Variants in GLB1L3 observed in about 807,000 individuals in gnomAD.
The protein encoded by GLB1L3 is galactosidase beta 1 like 3, also known as beta-galactosidase-1-like protein 3.
In GLB1L3, 89 loss-of-function variants were observed where a neutral mutation model predicts 89.5. That is an observed-to-expected ratio of 0.99 (90% CI 0.84 to 1.19). GLB1L3 has a LOEUF of 1.19. Ranked by LOEUF, GLB1L3 falls within the 50% of genes most tolerant of loss-of-function variation. The pLI is 0.00. For missense variants in GLB1L3, 812 were observed against 813.3 expected (o/e 1.00, Z 0.02); for synonymous variants, 314 against 312.3 (o/e 1.01, Z -0.06).
intron 6 of GLB1L3, 80 bp from the exon 7 acceptor site, chr11:134,288,718 C>A: frequency 4.0e-6 from 4 of 991,810 alleles, no homozygotes; most frequent in South Asian, 3.1e-5. Context: ...AGCTGTGCAG[C>A]CTTCGGCAGC....
chr11:134,302,223 T>C (rs1941980985), intron 9 of GLB1L3, among the ~76,000 whole-genome samples: 1 of 152,252 alleles, frequency 6.6e-6, no homozygotes, highest in African/African-American at 2.4e-5. Context: ...CTGTTGCTTC[T>C]GTAGAATACA....
intron 3 of GLB1L3, 30 bp from the exon 4 acceptor site, chr11:134,281,347 C>A (rs1289067984): frequency 6.2e-7 from 1 of 1,612,728 alleles, no homozygotes; most frequent in Admixed American, 1.7e-5. Flanking sequence ...TAAGAAGATA[C>A]TCATCATACT....
chr11:134,278,368 T>G (rs1480790212), intron 3 of GLB1L3, among the ~76,000 whole-genome samples: 1 of 152,150 alleles, frequency 6.6e-6, no homozygotes, highest in Non-Finnish European at 1.5e-5. Context: ...CACGGCAGCT[T>G]CTACTTCTCT....
At chr11:134,294,724 C>T (rs1144221) in intron 9 of GLB1L3, among the ~76,000 whole-genome samples, 105 of 152,164 alleles carry the variant, frequency 6.9e-4, no homozygotes, top group Non-Finnish European at 1.3e-3. Context: ...CACATAAGCG[C>T]GCTCATGCAG....
chr11:134,305,254 C>T lies in GLB1L3; in HGVS notation c.877-1870C>T, dbSNP rs575425244. ...CACTGAATTATGTAAAGTGCATTCC[C>T]TTCACCAGCTTGTGCACCCTATTCT... is the stretch of plus-strand genomic sequence containing the variant. On this transcript the variant is annotated intron_variant, in intron 9 of 19. Transcript: ENST00000431683. The T allele has an allele frequency of 6.1e-4, 446 of 727,352 alleles. 2 individuals are homozygous for T. In the African/African-American group the frequency reaches 6.9e-3, roughly 11 times the overall value. The allele number at this position is 727,352 out of a possible 1,614,324, so 45.1% of individuals were successfully genotyped here.
chr11:134,276,635 C>A lies in GLB1L3; in HGVS notation c.-106C>A. The A allele has an allele frequency of 1.8e-6, 2 of 1,085,686 alleles. No individual in the cohort carries two copies. Among genetic ancestry groups the A allele is most frequent in the South Asian group, 2.5e-5 (1 of 40,422 alleles). The allele number at this position is 1,085,686 out of a possible 1,614,324, so 67.3% of individuals were successfully genotyped here. ...TGCAGGCGCAGCGCGCAGACCTGAG[C>A]CTGCCCCGCGGAACCGGGGCTCGAG... On this transcript the variant is annotated 5_prime_UTR_variant, in exon 1 of 20. Transcript: ENST00000431683.
At position 134,314,473 on chromosome 11, in the gene GLB1L3, C is replaced by T. The variant is rs1054463321; in HGVS notation, c.1779+32C>T. The stretch of plus-strand genomic sequence containing the variant: ...GATGCCCTCTGCTGCCCTGGTGTTC[C>T]AAACACCAATTTTATTTTTAAAGAG... On this transcript the variant is annotated intron_variant, in intron 18 of 19. Transcript: ENST00000431683. 8.3e-6 allele frequency: 11 copies of T among 1,321,570 alleles called. No individual in the cohort carries two copies. The African/African-American group carries it at 1.6e-4, about 19-fold the overall frequency. 81.9% of individuals were successfully genotyped at this position (1,321,570 alleles called of 1,614,324 possible).
intron 6 of GLB1L3, chr11:134,287,112 G>C (rs1352277036): frequency 6.6e-6 from 1 of 152,134 alleles, no homozygotes; most frequent in Non-Finnish European, 1.5e-5. Flanking sequence ...AGGGAGCCAA[G>C]ATGGCGCCAC....
chr11:134,279,157 G>A (rs533978105), intron 3 of GLB1L3, among the ~76,000 whole-genome samples: 9 of 152,146 alleles, frequency 5.9e-5, no homozygotes, highest in African/African-American at 2.2e-4. Flanking sequence ...GAAATATTTT[G>A]CACAAGAATT....
intron 1 of GLB1L3, 111 bp from the exon 2 acceptor site, chr11:134,277,215 G>A: frequency 7.2e-7 from 1 of 1,390,176 alleles, no homozygotes; most frequent in South Asian, 1.2e-5. Context: ...TGTGTCGCGG[G>A]CCCCCTCCCT....
chr11:134,323,519 G>A (rs547741289), downstream of GLB1L3, among the ~76,000 whole-genome samples: 10 of 152,070 alleles, frequency 6.6e-5, no homozygotes, highest in Admixed American at 5.9e-4. Context: ...AGCTTGCAGT[G>A]AGCCGAGATG....
At chr11:134,323,586 A>AG (rs571042326), downstream of GLB1L3, among the ~76,000 whole-genome samples, 502 of 152,146 alleles carry the variant, frequency 3.3e-3, no homozygotes, top group Non-Finnish European at 6.1e-3. Context: ...AAAAAAAAAA[A>AG]GTAATCTCTT....
chr11:134,288,793 C>T lies in GLB1L3; in HGVS notation c.637-5C>T, dbSNP rs1941168380. Reference sequence around the variant, plus strand: ...CTCTTTAACCCTCCTATGCTTGTTTCTCAGTACCGCCAGGCAGGCCCTGTC... The same window carrying T: ...CTCTTTAACCCTCCTATGCTTGTTTTTCAGTACCGCCAGGCAGGCCCTGTC... On this transcript the variant is annotated splice_region_variant and splice_polypyrimidine_tract_variant and intron_variant, in intron 6 of 19. Coordinates refer to ENST00000431683, the MANE Select transcript of GLB1L3 (RefSeq NM_001080407.3). 1 of 1,610,472 alleles carries T rather than the reference C, an allele frequency of 6.2e-7. No individual in the cohort carries two copies. Among genetic ancestry groups the T allele is most frequent in the Non-Finnish European group, 8.5e-7 (1 of 1,177,760 alleles).
At position 134,314,378 on chromosome 11, in the gene GLB1L3, G is replaced by C; in HGVS notation, c.1716G>C (p.Pro572=). ...WKPVPDSHQG[P]AFYCGTLKAG... ...CTGTCCCAGACAGCCACCAGGGCCC[G>C]GCCTTCTACTGTGGGACCTTGAAGG... Residue 572 remains proline, a synonymous_variant, in exon 18 of 20, where the codon CCG becomes CCC. Coordinates refer to ENST00000431683, the MANE Select transcript of GLB1L3 (RefSeq NM_001080407.3). 1 of 1,551,460 alleles carries C rather than the reference G, an allele frequency of 6.4e-7. No homozygotes were observed. The highest frequency in any genetic ancestry group is 8.7e-7 in the Non-Finnish European group (1 of 1,146,960).
chr11:134,309,374 A>G (rs1186801608), intron 10 of GLB1L3, among the ~76,000 whole-genome samples: 1 of 152,232 alleles, frequency 6.6e-6, no homozygotes, highest in East Asian at 1.9e-4. Context: ...ACTAAACAAA[A>G]TGATGTACAG....
rs750070476 is a variant in GLB1L3, at chr11:134,310,641, A to G, written c.1170A>G (p.Gln390=). The G allele has an allele frequency of 5.6e-6, 9 of 1,612,260 alleles. No homozygotes were observed. Among genetic ancestry groups the G allele is most frequent in the African/African-American group, 4.0e-5 (3 of 74,856 alleles). ...EKYLKLQKLF[Q]SVSATPLPRV... ...ATCTGAAGCTTCAAAAACTCTTTCA[A>G]TCTGTCTCAGGTACTCAGCACCCAT... Residue 390 remains glutamine, a synonymous_variant, in exon 12 of 20, where the codon CAA becomes CAG. Coordinates refer to ENST00000431683, the MANE Select transcript of GLB1L3 (RefSeq NM_001080407.3).
At chr11:134,310,980 G>T in intron 12 of GLB1L3, 84 bp from the exon 13 acceptor site, 4 of 921,914 alleles carry the variant, frequency 4.3e-6, no homozygotes, top group Non-Finnish European at 1.7e-6. Flanking sequence ...GAAAGGAAAA[G>T]CCATGCTGGA....
Position 134,309,692 on chromosome 11 carries a change from G to A in GLB1L3, c.1028G>A (p.Gly343Asp), listed in dbSNP as rs1434826255. 6.2e-7 allele frequency: 1 copy of A among 1,613,054 alleles called. No homozygotes were observed. Among genetic ancestry groups the A allele is most frequent in the Non-Finnish European group, 8.5e-7 (1 of 1,179,470 alleles). ...TCCTTCAATGTATATATGTTCCATG[G>A]TGGAACCAACTTTGGTTTCATGAAC... is the stretch of plus-strand genomic sequence containing the variant. ...EISFNVYMFH[G>D]GTNFGFMNGA... is the part of the protein sequence containing the mutation. Residue 343 changes from glycine (G) to aspartate (D), a missense_variant, in exon 11 of 20, where the codon GGT becomes GAT. This residue lies in a region of GLB1L3 where 618 missense variants were observed against 604.0 expected (regional missense o/e 1.02). Transcript: ENST00000431683.
At chr11:134,283,679 C>T in intron 5 of GLB1L3, 58 bp from the exon 6 acceptor site, 1 of 999,496 alleles carries the variant, frequency 1.0e-6, no homozygotes, top group South Asian at 1.4e-5. Context: ...TCTGAGCCCA[C>T]TCCTGCTTCC....
Sources: gnomAD v4.1 joint callset for allele counts (sites outside exome capture counted in the v4.1 genomes callset) on GRCh38, gnomAD v4.1.1 for gene constraint, gnomAD v4.1.1 regional missense constraint, MANE v1.5 for transcripts, NCBI Gene and HGNC (gene_info 2026-07-23, HGNC 2026-07-21) for gene names.